The following HCN1 variants were observed in gnomAD, a reference collection of about 807,000 sequenced individuals.
HCN1 encodes hyperpolarization activated cyclic nucleotide gated potassium channel 1.
Under a neutral mutation model 78.9 loss-of-function variants are expected in HCN1, and 13 were observed. That is an observed-to-expected ratio of 0.16 (90% CI 0.11 to 0.26). The LOEUF (loss-of-function observed/expected upper bound fraction) is 0.26. Among genes scored for constraint, HCN1 ranks in the 10% least tolerant of loss-of-function variants. The pLI, the probability that HCN1 is intolerant of heterozygous loss-of-function variation, is 1.00. For missense variants in HCN1, 810 were observed against 1,154.3 expected, an observed-to-expected ratio of 0.70 and a Z score of 4.32; for synonymous variants, 552 against 455.5, an observed-to-expected ratio of 1.21 and a Z score of -2.70.
chr5:45,517,169 T>C (rs1742529991), intron 2 of HCN1, among the ~76,000 whole-genome samples: 1 of 151,986 alleles, frequency 6.6e-6, no homozygotes, highest in Non-Finnish European at 1.5e-5. Flanking sequence ...GACTCCTGGA[T>C]ATTGATAGTT....
intron 5 of HCN1, among the ~76,000 whole-genome samples, chr5:45,317,220 T>C (rs1476253710): frequency 6.6e-6 from 1 of 152,040 alleles, no homozygotes; most frequent in Non-Finnish European, 1.5e-5. Flanking sequence ...AAAACAGAGA[T>C]ATAGACCAAT....
intron 1 of HCN1, among the ~76,000 whole-genome samples, chr5:45,652,172 T>G (rs1051158121): frequency 6.6e-6 from 1 of 151,854 alleles, no homozygotes; most frequent in East Asian, 1.9e-4. Context: ...AGTAAACATG[T>G]TTTGTCTATT....
intron 6 of HCN1, among the ~76,000 whole-genome samples, chr5:45,282,917 T>A (rs1178239319): frequency 2.0e-5 from 3 of 152,184 alleles, no homozygotes; most frequent in African/African-American, 7.2e-5. Context: ...CATGTTTGTC[T>A]ATTTTTTAAT....
chr5:45,439,387 T>C (rs1273835873), intron 3 of HCN1, among the ~76,000 whole-genome samples: 2 of 152,100 alleles, frequency 1.3e-5, no homozygotes, highest in Non-Finnish European at 2.9e-5. Flanking sequence ...TTATTGGGGA[T>C]ATGTAATGGG....
intron 3 of HCN1, among the ~76,000 whole-genome samples, chr5:45,459,251 C>CAATAA (rs551221127): frequency 0.02 from 2,955 of 151,538 alleles, 47 homozygotes; most frequent in Non-Finnish European, 0.026. Context: ...AAAATAAAAA[C>CAATAA]AATAAAATAA....
intron 2 of HCN1, among the ~76,000 whole-genome samples, chr5:45,624,371 G>C (rs983368474): frequency 6.6e-6 from 1 of 152,132 alleles, no homozygotes; most frequent in Non-Finnish European, 1.5e-5. Flanking sequence ...GATTTATTTT[G>C]AAAATAGAGC....
intron 3 of HCN1, among the ~76,000 whole-genome samples, chr5:45,417,283 T>A (rs917262145): frequency 6.6e-6 from 1 of 151,900 alleles, no homozygotes; most frequent in Non-Finnish European, 1.5e-5. Context: ...ACCTACTACA[T>A]TAATGTAATG....
intron 1 of HCN1, among the ~76,000 whole-genome samples, chr5:45,690,572 C>T (rs112974719): frequency 6.6e-6 from 1 of 152,104 alleles, no homozygotes; most frequent in East Asian, 1.9e-4. Context: ...CACCAGGAAT[C>T]CTGATTTTTT....
intron 2 of HCN1, among the ~76,000 whole-genome samples, chr5:45,525,620 C>A (rs1203468263): frequency 6.6e-6 from 1 of 151,018 alleles, no homozygotes; most frequent in Non-Finnish European, 1.5e-5. Context: ...TTATGATTAC[C>A]CCAAACTAAG....
At chr5:45,296,279 A>G (rs1196401947) in intron 6 of HCN1, among the ~76,000 whole-genome samples, 2 of 152,072 alleles carry the variant, frequency 1.3e-5, no homozygotes, top group Non-Finnish European at 1.5e-5. Context: ...TGAGAATCAT[A>G]CAAGGTAAAA....
intron 1 of HCN1, among the ~76,000 whole-genome samples, chr5:45,691,462 AAATT>A (rs1739913085): frequency 6.6e-6 from 1 of 152,182 alleles, no homozygotes; most frequent in South Asian, 2.1e-4. Flanking sequence ...GTAACTAAAT[AAATT>A]CACACGTTTA....
intron 2 of HCN1, among the ~76,000 whole-genome samples, chr5:45,527,080 T>G (rs1277003877): frequency 7.4e-6 from 1 of 135,406 alleles, no homozygotes. Flanking sequence ...TCTCTGTCTC[T>G]CTCACACACA....
intron 4 of HCN1, among the ~76,000 whole-genome samples, chr5:45,372,492 T>C (rs1278464255): frequency 7.9e-6 from 1 of 126,194 alleles, no homozygotes; most frequent in East Asian, 2.3e-4. Context: ...AACATTTACA[T>C]ATAAAAATAT....
intron 1 of HCN1, among the ~76,000 whole-genome samples, chr5:45,659,172 A>G (rs956331299): frequency 6.7e-6 from 1 of 149,728 alleles, no homozygotes; most frequent in Non-Finnish European, 1.5e-5. Flanking sequence ...CCTAACTGGG[A>G]GGCACCCCCC....
intron 2 of HCN1, among the ~76,000 whole-genome samples, chr5:45,590,967 GACT>G (rs1561212588): frequency 6.6e-6 from 1 of 151,976 alleles, no homozygotes. Context: ...GAGCAACTGG[GACT>G]ACAGGCATGT....
At chr5:45,508,939 A>C (rs1391493076) in intron 2 of HCN1, among the ~76,000 whole-genome samples, 1 of 152,076 alleles carries the variant, frequency 6.6e-6, no homozygotes, top group Non-Finnish European at 1.5e-5. Context: ...GCCATAATTC[A>C]ATTTATCCTA....
At chr5:45,396,403 A>G in intron 4 of HCN1, 89 bp downstream of exon 4, 2 of 904,984 alleles carry the variant, frequency 2.2e-6, no homozygotes, top group East Asian at 2.6e-5. Context: ...TTTTTTATAG[A>G]GGAGATGGTG....
intron 3 of HCN1, among the ~76,000 whole-genome samples, chr5:45,448,023 A>G (rs1177862011): frequency 6.6e-6 from 1 of 151,848 alleles, no homozygotes; most frequent in Non-Finnish European, 1.5e-5. Context: ...AATTACAAAG[A>G]TATTATGGTA....
At chr5:45,451,673 T>TAAAAAAAAAA (rs1740921365) in intron 3 of HCN1, among the ~76,000 whole-genome samples, 1 of 151,624 alleles carries the variant, frequency 6.6e-6, no homozygotes, top group Non-Finnish European at 1.5e-5. Flanking sequence ...ATCTTTTTTT[T>TAAAAAAAAAA]AAAAAAGTGA....
Sources: gnomAD v4.1 joint callset for allele counts (sites outside exome capture counted in the v4.1 genomes callset) on GRCh38, gnomAD v4.1.1 for gene constraint, MANE v1.5 for transcripts, NCBI Gene and HGNC (gene_info 2026-07-23, HGNC 2026-07-21) for gene names.